Variants in IL4I1 observed in about 807,000 individuals in gnomAD.
The protein encoded by IL4I1 is interleukin 4 induced 1, also known as L-amino-acid oxidase.
IL4I1 carries 24 observed loss-of-function variants against 29.7 expected under a neutral mutation model. The ratio of observed to expected loss-of-function variants is 0.81; its 90% confidence interval spans 0.59 to 1.14. The LOEUF is 1.14. IL4I1 is among the 50% of genes most tolerant of loss of function. The probability of loss-of-function intolerance (pLI) is 0.00; values close to 1 mark genes in which losing one functional copy is unlikely to be tolerated. For synonymous variants in IL4I1, 371 were observed against 352.5 expected, an observed-to-expected ratio of 1.05 and a Z score of -0.59; for missense variants, 686 against 785.6, an observed-to-expected ratio of 0.87 and a Z score of 1.52.
chr19:49,922,713 A>C (rs2075794141), intron 2 of IL4I1, among the ~76,000 whole-genome samples: 2 of 143,798 alleles, frequency 1.4e-5, no homozygotes, highest in Non-Finnish European at 3.0e-5. Context: ...ATCTCACAGA[A>C]AAAAAAAAAA....
chr19:49,894,523 C>A (rs890852033), intron 4 of IL4I1, 54 bp from the exon 5 acceptor site: 22 of 1,509,834 alleles, frequency 1.5e-5, no homozygotes, highest in Middle Eastern at 1.7e-4. Context: ...GTGGCCTGGT[C>A]CCTAGTGGGA....
At chr19:49,919,646 C>T (rs1421011868) in intron 2 of IL4I1, among the ~76,000 whole-genome samples, 2 of 152,180 alleles carry the variant, frequency 1.3e-5, no homozygotes, top group South Asian at 4.1e-4. Flanking sequence ...CTCCTTCCCA[C>T]TCCCCAGGCC....
chr19:49,900,666 A>G (rs2075263134), upstream of IL4I1, among the ~76,000 whole-genome samples: 2 of 152,060 alleles, frequency 1.3e-5, no homozygotes, highest in South Asian at 2.1e-4. Flanking sequence ...GGAATTAGGG[A>G]AAAGCAGTTT....
upstream of IL4I1, among the ~76,000 whole-genome samples, chr19:49,901,229 A>G (rs1271889335): frequency 2.0e-5 from 3 of 151,990 alleles, no homozygotes; most frequent in Non-Finnish European, 4.4e-5. Flanking sequence ...TAAAAATACA[A>G]AAAAATTAGC....
At chr19:49,899,131 G>A (rs926117793), upstream of IL4I1, among the ~76,000 whole-genome samples, 8 of 152,230 alleles carry the variant, frequency 5.3e-5, no homozygotes, top group Non-Finnish European at 1.2e-4. Context: ...TCACCAGGTC[G>A]GGTGGGCCCC....
At chr19:49,891,506 T>C (rs2075138814) in intron 5 of IL4I1, 33 bp from the exon 6 acceptor site, 1 of 1,605,838 alleles carries the variant, frequency 6.2e-7, no homozygotes, top group African/African-American at 1.3e-5. Context: ...GGTGCTGAGC[T>C]GCCCGGGCAG....
chr19:49,918,460 A>G (rs960851886), intron 2 of IL4I1: 1 of 152,242 alleles, frequency 6.6e-6, no homozygotes, highest in Non-Finnish European at 1.5e-5. Context: ...TCTCCTCCAC[A>G]GAACCAGGTA....
At chr19:49,920,269 G>C (rs2075733037) in intron 2 of IL4I1, among the ~76,000 whole-genome samples, 1 of 152,198 alleles carries the variant, frequency 6.6e-6, no homozygotes, top group African/African-American at 2.4e-5. Context: ...TTTTAGTAGA[G>C]ACGGGGTTTC....
rs546441310 is a variant in IL4I1 at position 49,896,429 on chromosome 19, C to T, written c.-22-247G>A. On this transcript the variant is annotated intron_variant, in intron 1 of 7. Transcript: ENST00000391826. ...CCTGTCTCTTTCTCTTCTTTTCCCT[C>T]TTTCTTTCCTTTCTTTCTTTTTTTT... Among the ~76,000 whole-genome samples the T allele has an allele frequency of 2.0e-5, 3 of 151,350 alleles. No individual in the cohort carries two copies. In the East Asian group the frequency reaches 5.9e-4, roughly 30 times the overall value.
At position 49,909,730 on chromosome 19, in the gene IL4I1, G is replaced by A. The variant is rs554368833; in HGVS notation, c.-227-5409C>T. 9 of 1,614,156 alleles carry A rather than the reference G, an allele frequency of 5.6e-6. No individual in the cohort carries two copies. The South Asian group carries it at 7.7e-5, about 14-fold the overall frequency. ...AGAAAGAAAACCCTGTAGCAGGTGT[G>A]GTTGTTGCCGTCTTTGCAGTGCCAA... is the stretch of plus-strand genomic sequence containing the variant. On this transcript the variant is annotated intron_variant, in intron 2 of 9. Transcript: ENST00000341114.
At chr19:49,899,713 C>T (rs183425108), upstream of IL4I1, among the ~76,000 whole-genome samples, 3 of 152,092 alleles carry the variant, frequency 2.0e-5, no homozygotes, top group South Asian at 4.1e-4. Flanking sequence ...CCTGCCACCA[C>T]GTCCGGCTAA....
intron 2 of IL4I1, among the ~76,000 whole-genome samples, chr19:49,912,578 A>G (rs2075498973): frequency 6.6e-6 from 1 of 151,762 alleles, no homozygotes. Flanking sequence ...CGCAGTTTAG[A>G]TATGGCCAGG....
chr19:49,889,898 C>G lies in IL4I1; in HGVS notation c.1476G>C (p.Thr492=). ...CGGCGCGCAGCGCCGACTTGACCGC[C>G]GTCTCCACCCAGCCGTGCGGGTAGG... ...HTAYPHGWVE[T]AVKSALRAAI... Residue 492 remains threonine (T), a synonymous_variant, in exon 8 of 8, where the codon ACG becomes ACC. Coordinates refer to ENST00000391826, the MANE Select transcript of IL4I1 (RefSeq NM_152899.2). 1.2e-6 allele frequency: 2 copies of G among 1,607,836 alleles called. No individual in the cohort carries two copies. Among genetic ancestry groups the G allele is most frequent in the Non-Finnish European group, 1.7e-6 (2 of 1,176,992 alleles).
chr19:49,908,183 G>A (rs1472067116), intron 2 of IL4I1: 2 of 1,596,218 alleles, frequency 1.3e-6, no homozygotes, highest in East Asian at 4.5e-5. Context: ...CAGACAACAG[G>A]GCGCATTCCC....
intron 2 of IL4I1, among the ~76,000 whole-genome samples, chr19:49,920,081 A>G (rs1053944700): frequency 1.3e-5 from 2 of 151,390 alleles, no homozygotes; most frequent in African/African-American, 4.9e-5. Context: ...GTGCCACCAC[A>G]CCAGCTAATT....
Position 49,891,400 on chromosome 19 carries a change from C to G in IL4I1, c.636+5G>C. 1 of 1,614,058 alleles carries G rather than the reference C, an allele frequency of 6.2e-7. No homozygotes were observed. The highest frequency in any genetic ancestry group is 8.5e-7 in the Non-Finnish European group (1 of 1,179,938). ...CATCTCAGCAGAACCAAGATCCCCACTTACCAAGAGCGTGTGCCTTTCAAA... is the reference window on the plus strand; with the variant it reads ...CATCTCAGCAGAACCAAGATCCCCAGTTACCAAGAGCGTGTGCCTTTCAAA... On this transcript the variant is annotated splice_donor_5th_base_variant and intron_variant, in intron 6 of 7. Coordinates refer to ENST00000391826, the MANE Select transcript of IL4I1 (RefSeq NM_152899.2).
intron 2 of IL4I1, among the ~76,000 whole-genome samples, chr19:49,919,996 C>T (rs141998588): frequency 5.7e-4 from 87 of 152,250 alleles, no homozygotes; most frequent in East Asian, 1.5e-3. Context: ...GGTGCAATCA[C>T]GCTCATAGCC....
intron 5 of IL4I1, among the ~76,000 whole-genome samples, chr19:49,893,544 C>T (rs561832703): frequency 7.8e-4 from 119 of 151,980 alleles, no homozygotes; most frequent in Non-Finnish European, 1.4e-3. Flanking sequence ...ATCAGGGTCT[C>T]GGGAGGCAGA....
At chr19:49,918,131 A>T (rs1040210609) in intron 2 of IL4I1, among the ~76,000 whole-genome samples, 6 of 151,920 alleles carry the variant, frequency 3.9e-5, no homozygotes, top group African/African-American at 1.5e-4. Context: ...CAGTGGTATA[A>T]TCACAGCTCA....
Sources: gnomAD v4.1 joint callset for allele counts (sites outside exome capture counted in the v4.1 genomes callset) on GRCh38, gnomAD v4.1.1 for gene constraint, MANE v1.5 for transcripts, NCBI Gene and HGNC (gene_info 2026-07-23, HGNC 2026-07-21) for gene names.